The following TTC7B variants were observed in gnomAD, a reference collection of about 807,000 sequenced individuals.
The protein encoded by TTC7B is tetratricopeptide repeat domain 7B.
Under a neutral mutation model 106.8 loss-of-function variants are expected in TTC7B, and 28 were observed. That is an observed-to-expected ratio of 0.26 (90% CI 0.19 to 0.36). The LOEUF (loss-of-function observed/expected upper bound fraction) is 0.36. Ranked by LOEUF, TTC7B falls within the 10% of genes least tolerant of loss-of-function variation. TTC7B has a pLI of 1.00. For missense variants in TTC7B, 862 were observed against 1,076.4 expected (o/e 0.80, Z 2.79); for synonymous variants, 405 against 430.6 (o/e 0.94, Z 0.74).
intron 5 of TTC7B, among the ~76,000 whole-genome samples, chr14:90,696,519 A>G (rs1012153688): frequency 6.6e-6 from 1 of 152,208 alleles, no homozygotes; most frequent in African/African-American, 2.4e-5. Flanking sequence ...GCCGTGGCAG[A>G]TGCTCTAGGT....
chr14:90,601,468 G>A (rs1036436889), intron 17 of TTC7B, among the ~76,000 whole-genome samples: 3 of 152,154 alleles, frequency 2.0e-5, no homozygotes, highest in Admixed American at 6.5e-5. Context: ...CTTCATTAAC[G>A]TGTTTACTCT....
chr14:90,812,447 C>T (rs1566901079), intron 1 of TTC7B, among the ~76,000 whole-genome samples: 1 of 152,206 alleles, frequency 6.6e-6, no homozygotes, highest in African/African-American at 2.4e-5. Flanking sequence ...CAGGGCACCT[C>T]AGGCTTCTCT....
intron 3 of TTC7B, among the ~76,000 whole-genome samples, chr14:90,763,989 T>A (rs1890590849): frequency 6.6e-6 from 1 of 152,102 alleles, no homozygotes; most frequent in Non-Finnish European, 1.5e-5. Flanking sequence ...AAAATTTATA[T>A]GAAATGTAAG....
At chr14:90,693,655 C>A (rs1254581508) in intron 6 of TTC7B, among the ~76,000 whole-genome samples, 2 of 152,172 alleles carry the variant, frequency 1.3e-5, no homozygotes, top group Admixed American at 1.3e-4. Flanking sequence ...AATCAAACCA[C>A]AATGGAATAT....
chr14:90,677,029 C>T (rs891687979), intron 8 of TTC7B, among the ~76,000 whole-genome samples: 10 of 152,176 alleles, frequency 6.6e-5, no homozygotes, highest in Admixed American at 5.9e-4. Flanking sequence ...TCAAGTGAGG[C>T]CCTGCTGCAC....
At chr14:90,699,049 T>C (rs1435098509) in intron 5 of TTC7B, 1 of 385,422 alleles carries the variant, frequency 2.6e-6, no homozygotes, top group African/African-American at 2.1e-5. Flanking sequence ...CATTCAACCC[T>C]CCCTCTCGAC....
intron 4 of TTC7B, among the ~76,000 whole-genome samples, chr14:90,740,843 A>G (rs1175244947): frequency 6.6e-6 from 1 of 152,258 alleles, no homozygotes; most frequent in East Asian, 1.9e-4. Context: ...ATAATATTCC[A>G]GATTTTAACC....
In TTC7B at chr14:90,532,216, T is replaced by G. The variant is rs1235042851; in HGVS notation, c.*9152A>C. The stretch of plus-strand genomic sequence containing the variant: ...AAAACCAAAACTACATAAAACTATT[T>G]GTAAAACTATATAAAACTACATAAA... On this transcript the variant is annotated 3_prime_UTR_variant, in exon 20 of 20. Transcript: ENST00000328459. 6.6e-6 allele frequency: 1 copy of G among 152,218 alleles called. No homozygotes were observed. Among genetic ancestry groups the G allele is most frequent in the Non-Finnish European group, 1.5e-5 (1 of 68,040 alleles). 9.4% of individuals were successfully genotyped at this position (152,218 alleles called of 1,614,324 possible). A position where few individuals can be genotyped will look rare whatever the true frequency, so the allele number is the denominator to read the frequency against.
rs192633373 is a variant in TTC7B, at chr14:90,733,557, C to T, written c.577-3361G>A. Among the ~76,000 whole-genome samples the T allele has an allele frequency of 4.6e-5, 7 of 152,336 alleles. No individual in the cohort carries two copies. In the East Asian group the frequency reaches 9.6e-4, roughly 21 times the overall value. ...CCTTCCTCACAAAGAGCCTCCAACA[C>T]ATGGGCCTGGGCAGAAGCATTGTTT... On this transcript the variant is annotated intron_variant, in intron 4 of 19. Coordinates refer to ENST00000328459, the MANE Select transcript of TTC7B (RefSeq NM_001010854.2).
In TTC7B at chr14:90,600,737, T is replaced by C. The variant is rs1595194218; in HGVS notation, c.1967-7111A>G. Among the ~76,000 whole-genome samples the C allele has an allele frequency of 6.6e-6, 1 of 152,128 alleles. No homozygotes were observed. Among genetic ancestry groups the C allele is most frequent in the South Asian group, 2.1e-4 (1 of 4,816 alleles). ...GGTGGGTGCTGGCAGGGCCAGGTGG[T>C]CACACAGAAAGCATGGAGGGAAGCC... On this transcript the variant is annotated intron_variant, in intron 17 of 19. Coordinates refer to ENST00000328459, the MANE Select transcript of TTC7B (RefSeq NM_001010854.2). The surrounding 1 kb of genome is among the most constrained non-coding windows in gnomAD (Gnocchi z 4.3).
chr14:90,734,080 A>G (rs1457718788), intron 4 of TTC7B, among the ~76,000 whole-genome samples: 1 of 152,184 alleles, frequency 6.6e-6, no homozygotes, highest in Non-Finnish European at 1.5e-5. Context: ...CGTTTTATAA[A>G]TTATGGCAAT....
chr14:90,729,865 TC>T (rs1219626968), intron 5 of TTC7B, among the ~76,000 whole-genome samples: 2 of 151,990 alleles, frequency 1.3e-5, no homozygotes, highest in South Asian at 4.2e-4. Context: ...CCCTCCCTTC[TC>T]CCACCTTCAC....
intron 1 of TTC7B, among the ~76,000 whole-genome samples, chr14:90,789,906 A>AG (rs1373968352): frequency 7.0e-6 from 1 of 143,878 alleles, no homozygotes; most frequent in East Asian, 2.0e-4. Flanking sequence ...AAAAAAAAAA[A>AG]AAAAAAATAC....
chr14:90,688,621 C>CAAAAA (rs57020065), intron 7 of TTC7B, among the ~76,000 whole-genome samples: 5 of 54,490 alleles, frequency 9.2e-5, no homozygotes, highest in South Asian at 7.6e-4. Flanking sequence ...GGCTCTGTCT[C>CAAAAA]AAAAAAAAAA....
intron 18 of TTC7B, among the ~76,000 whole-genome samples, chr14:90,590,932 C>T (rs1891928753): frequency 1.3e-5 from 2 of 152,218 alleles, no homozygotes; most frequent in African/African-American, 4.8e-5. Context: ...TTCAATTCCA[C>T]CACCTTCTAG....
At chr14:90,627,944 C>T (rs777160378) in intron 15 of TTC7B, among the ~76,000 whole-genome samples, 3 of 152,154 alleles carry the variant, frequency 2.0e-5, no homozygotes, top group Non-Finnish European at 2.9e-5. Flanking sequence ...CCTTACTGCC[C>T]GTGTTCCAAA....
chr14:90,816,144 C>T (rs1326046355), intron 1 of TTC7B, 31 bp downstream of exon 1: 1 of 1,145,296 alleles, frequency 8.7e-7, no homozygotes, highest in Non-Finnish European at 1.1e-6. Flanking sequence ...CGGCGCCCCC[C>T]GCAGCCCAGG....
intron 6 of TTC7B, among the ~76,000 whole-genome samples, chr14:90,691,392 T>C (rs764609709): frequency 2.0e-5 from 3 of 152,220 alleles, no homozygotes; most frequent in Non-Finnish European, 2.9e-5. Context: ...AGACATCACT[T>C]CACCAGTTCT....
intron 8 of TTC7B, among the ~76,000 whole-genome samples, chr14:90,678,129 T>G (rs1886913937): frequency 6.6e-6 from 1 of 152,232 alleles, no homozygotes; most frequent in Admixed American, 6.5e-5. Flanking sequence ...TGCATTCTTT[T>G]CATTTTTAGA....
Sources: allele counts gnomAD v4.1 joint callset (sites outside exome capture counted in the v4.1 genomes callset), GRCh38; gene constraint gnomAD v4.1.1; non-coding constraint Gnocchi (gnomAD v3.1); transcripts MANE v1.5; gene names NCBI Gene and HGNC (gene_info 2026-07-23, HGNC 2026-07-21).